Variants in SLC39A10 observed in about 807,000 individuals in gnomAD.
SLC39A10 encodes the protein solute carrier family 39 member 10, also known as zinc transporter ZIP10.
SLC39A10 carries 13 observed loss-of-function variants against 65.1 expected under a neutral mutation model. The observed-to-expected ratio is 0.20, with a 90% CI of 0.13 to 0.32. The LOEUF is 0.32. Among genes scored for constraint, SLC39A10 ranks in the 10% least tolerant of loss-of-function variants. SLC39A10 has a pLI of 1.00. For synonymous variants in SLC39A10, 321 were observed against 342.2 expected (o/e 0.94, Z 0.68); for missense variants, 831 against 1,018.4 (o/e 0.82, Z 2.50).
intron 3 of SLC39A10, among the ~76,000 whole-genome samples, chr2:195,703,252 C>A (rs1019356027): frequency 6.6e-6 from 1 of 152,156 alleles, no homozygotes; most frequent in Non-Finnish European, 1.5e-5. Flanking sequence ...AGTAGCTAAT[C>A]ACAAGCAAAT....
chr2:195,734,836 G>A (rs1305465594), intron 9 of SLC39A10, 47 bp from the exon 10 acceptor site: 1 of 1,510,202 alleles, frequency 6.6e-7, no homozygotes, highest in East Asian at 2.4e-5. Context: ...AAACTGTTTT[G>A]AGCAGAAGTA....
chr2:195,704,436 T>C (rs1691317730), intron 3 of SLC39A10, among the ~76,000 whole-genome samples: 1 of 152,234 alleles, frequency 6.6e-6, no homozygotes, highest in Non-Finnish European at 1.5e-5. Flanking sequence ...TTTTTATCTC[T>C]ATTTTTTTCT....
intron 5 of SLC39A10, 67 bp downstream of exon 5, chr2:195,708,911 T>C (rs1691504397): frequency 8.7e-7 from 1 of 1,147,040 alleles, no homozygotes. Flanking sequence ...CTTTTCTGGG[T>C]ATATGCTTTC....
chr2:195,693,741 A>C (rs1290274654), intron 3 of SLC39A10, among the ~76,000 whole-genome samples: 1 of 152,070 alleles, frequency 6.6e-6, no homozygotes, highest in Admixed American at 6.6e-5. Flanking sequence ...TATCTTTTCA[A>C]AAAACCAACT....
At position 195,728,227 on chromosome 2, in the gene SLC39A10, G is replaced by C. The variant is rs1221519488; in HGVS notation, c.2215G>C (p.Ala739Pro). 6.2e-7 allele frequency: 1 copy of C among 1,613,994 alleles called. No homozygotes were observed. Among genetic ancestry groups the C allele is most frequent in the Admixed American group, 1.7e-5 (1 of 60,016 alleles). The stretch of plus-strand genomic sequence containing the variant: ...AGCAATTGTATACAACCTCCTCTCT[G>C]CCATGATGGCTTACATAGGCATGCT... ...KQAIVYNLLS[A>P]MMAYIGMLIG... The change falls in exon 9 of 10, where the codon GCC becomes CCC. Residue 739 changes from alanine to proline, a missense_variant. Ala to Pro is a conservative substitution (Grantham distance 27). Coordinates refer to ENST00000359634, the MANE Select transcript of SLC39A10 (RefSeq NM_020342.3). This position sits in a 1 kb window ranked among gnomAD's most constrained non-coding sequence, Gnocchi z 4.4.
chr2:195,686,433 C>G (rs1574270828), intron 3 of SLC39A10, among the ~76,000 whole-genome samples: 1 of 152,008 alleles, frequency 6.6e-6, no homozygotes, highest in Admixed American at 6.5e-5. Context: ...GCCTGTAGTC[C>G]CAGCTACTCG....
In SLC39A10 at chr2:195,635,722, T is replaced by TTA. The variant is rs1688686112; in HGVS notation, c.-12+29489_-12+29490insTA. Among the ~76,000 whole-genome samples, 3 of 150,752 alleles carry TTA rather than the reference T, an allele frequency of 2.0e-5. No homozygotes were observed. In the South Asian group the frequency reaches 6.3e-4, roughly 32 times the overall value. On this transcript the variant is annotated intron_variant, in intron 2 of 2. Coordinates refer to the SLC39A10 transcript ENST00000458054. The stretch of plus-strand genomic sequence containing the variant: ...AACCCCCCCCACTTTTTTTTTTTTT[T>TTA]ACTTGAAAGACTGACAAAGAAAATA...
At chr2:195,734,441 C>T (rs989323054) in intron 9 of SLC39A10, among the ~76,000 whole-genome samples, 10 of 152,254 alleles carry the variant, frequency 6.6e-5, no homozygotes, top group South Asian at 6.2e-4. Context: ...GATTTATGGG[C>T]GTGAGCCACC....
intron 9 of SLC39A10, among the ~76,000 whole-genome samples, chr2:195,734,409 C>T (rs1474725940): frequency 1.3e-5 from 2 of 152,172 alleles, no homozygotes; most frequent in African/African-American, 4.8e-5. Context: ...GATCCGCCCA[C>T]CTCGGCCTTC....
chr2:195,718,418 A>G, intron 8 of SLC39A10, 86 bp downstream of exon 8: 2 of 1,018,438 alleles, frequency 2.0e-6, no homozygotes, highest in African/African-American at 1.6e-5. Flanking sequence ...AGAGATGTTC[A>G]AGCATAAAAA....
rs1312250943 is a variant in SLC39A10, at chr2:195,685,528, C to G, written c.1216+1622C>G. Among the ~76,000 whole-genome samples the G allele has an allele frequency of 3.3e-5, 5 of 152,280 alleles. No homozygotes were observed. The East Asian group carries it at 9.7e-4, about 29-fold the overall frequency. On this transcript the variant is annotated intron_variant, in intron 3 of 9. Transcript: ENST00000359634. ...ATCATTCATTTCTCTCCTCTTTTCT[C>G]AGTTCTAACCATAATAAACTACTGA...
Position 195,737,393 on chromosome 2 carries a change from T to TTCAATCAA in SLC39A10, c.*2356_*2363dup, listed in dbSNP as rs368434170. 34 of 136,298 alleles carry TTCAATCAA rather than the reference T, an allele frequency of 2.5e-4. No homozygotes were observed. Among genetic ancestry groups the TTCAATCAA allele is most frequent in the African/African-American group, 8.1e-4 (33 of 40,692 alleles). The allele number at this position is 136,298 out of a possible 1,614,324, so 8.4% of individuals were successfully genotyped here. A position where few individuals can be genotyped will look rare whatever the true frequency, so the allele number is the denominator to read the frequency against. The stretch of plus-strand genomic sequence containing the variant: ...CAATCAATCAATCAATCACATTGCA[T>TTCAATCAA]TCAATCAATCAGCTGTGATTGATTG... On this transcript the variant is annotated 3_prime_UTR_variant, in exon 10 of 10. Transcript: ENST00000359634.
chr2:195,662,581 T>C (rs1275322901), intron 1 of SLC39A10, among the ~76,000 whole-genome samples: 2 of 152,194 alleles, frequency 1.3e-5, no homozygotes, highest in East Asian at 3.9e-4. Flanking sequence ...GCCTATGCTA[T>C]TACTTTAATA....
chr2:195,707,764 T>C (rs1231747636), intron 4 of SLC39A10, among the ~76,000 whole-genome samples: 1 of 152,164 alleles, frequency 6.6e-6, no homozygotes, highest in Non-Finnish European at 1.5e-5. Context: ...TGTTTTTGTA[T>C]TAAGAAGGGT....
At chr2:195,704,620 G>A (rs1691325604) in intron 3 of SLC39A10, among the ~76,000 whole-genome samples, 1 of 152,052 alleles carries the variant, frequency 6.6e-6, no homozygotes, top group Admixed American at 6.5e-5. Flanking sequence ...CTATAAACGG[G>A]ACAAACAAAC....
At chr2:195,700,034 C>A (rs900461728) in intron 3 of SLC39A10, among the ~76,000 whole-genome samples, 3 of 152,038 alleles carry the variant, frequency 2.0e-5, no homozygotes, top group African/African-American at 7.2e-5. Context: ...TTAGTTTAAC[C>A]ACCCCTGCTC....
At position 195,617,700 on chromosome 2, in the gene SLC39A10, GTTTCTTTTCTTTTCT is replaced by G. The variant is rs58481026; in HGVS notation, c.-12+11481_-12+11495del. Among the ~76,000 whole-genome samples, 80 of 97,592 alleles carry G rather than the reference GTTTCTTTTCTTTTCT, an allele frequency of 8.2e-4. 1 individual carries two copies. Among genetic ancestry groups the G allele is most frequent in the South Asian group, 1.2e-3 (4 of 3,220 alleles). 64.0% of individuals were successfully genotyped at this position (97,592 alleles called of 152,430 possible). Reference sequence around the variant, plus strand: ...AGCCTAGGCAACATAGTGAGACCTTGTTTCTTTTCTTTTCTTTTCTTTTCTTTTATTTTATTTTAT... The same window carrying G: ...AGCCTAGGCAACATAGTGAGACCTTGTTTCTTTTCTTTTATTTTATTTTAT... On this transcript the variant is annotated intron_variant, in intron 2 of 2. Transcript: ENST00000458054.
At chr2:195,731,036 C>T (rs947048381) in intron 9 of SLC39A10, among the ~76,000 whole-genome samples, 2 of 152,198 alleles carry the variant, frequency 1.3e-5, no homozygotes, top group Admixed American at 6.5e-5. Context: ...GCCCTGCCTT[C>T]CAACTCTGTA....
intron 2 of SLC39A10, among the ~76,000 whole-genome samples, chr2:195,629,847 CCT>C (rs1458063417): frequency 6.6e-6 from 1 of 152,148 alleles, no homozygotes; most frequent in African/African-American, 2.4e-5. Context: ...CCTGCTTCAA[CCT>C]CTCAAGTAGC....
Sources: gnomAD v4.1 joint callset for allele counts (sites outside exome capture counted in the v4.1 genomes callset) on GRCh38, gnomAD v4.1.1 for gene constraint, Gnocchi (gnomAD v3.1) non-coding constraint, MANE v1.5 for transcripts, NCBI Gene and HGNC (gene_info 2026-07-23, HGNC 2026-07-21) for gene names.